The following FRMPD4 variants were observed in gnomAD, a reference collection of about 807,000 sequenced individuals.
The protein encoded by FRMPD4 is FERM and PDZ domain containing 4, also known as FERM and PDZ domain-containing protein 4.
FRMPD4 carries 22 observed loss-of-function variants against 94.1 expected under a neutral mutation model. That is an observed-to-expected ratio of 0.23 (90% CI 0.17 to 0.33). The LOEUF is 0.33. Ranked by LOEUF, FRMPD4 falls within the 10% of genes least tolerant of loss-of-function variation. The probability of loss-of-function intolerance (pLI) is 1.00; values close to 1 mark genes in which losing one functional copy is unlikely to be tolerated. For synonymous variants in FRMPD4, 631 were observed against 548.6 expected (o/e 1.15, Z -2.10); for missense variants, 1,111 against 1,339.9 (o/e 0.83, Z 2.67).
intron 4 of FRMPD4, among the ~76,000 whole-genome samples, chrX:12,647,521 G>A (rs1481157748): frequency 9.0e-6 from 1 of 111,701 alleles, no homozygotes; most frequent in African/African-American, 3.3e-5. Flanking sequence ...TGTGGTCAGG[G>A]TGGACTTTAG....
chrX:11,855,482 T>C (rs1461580496), intron 1 of FRMPD4, among the ~76,000 whole-genome samples: 1 of 112,577 alleles, frequency 8.9e-6, no homozygotes, highest in Non-Finnish European at 1.9e-5. Flanking sequence ...TTTTATGCTC[T>C]GCTACCTCTA....
At position 12,411,359 on chromosome X, in the gene FRMPD4, T is replaced by C. The variant is rs752868861; in HGVS notation, c.42-87321T>C. Among the ~76,000 whole-genome samples the C allele has an allele frequency of 4.4e-5, 5 of 112,576 alleles. No individual in the cohort carries two copies. In the South Asian group the frequency reaches 1.8e-3, roughly 41 times the overall value. On this transcript the variant is annotated intron_variant, in intron 1 of 16. Coordinates refer to ENST00000675598, the MANE Select transcript of FRMPD4 (RefSeq NM_001368397.1). ...GCAATGAATATTTGCTTTGCTGATA[T>C]GCAATTCACACCCCACTGCTCTGTT...
At chrX:12,479,715 G>A (rs188257697) in intron 1 of FRMPD4, among the ~76,000 whole-genome samples, 100 of 108,337 alleles carry the variant, frequency 9.2e-4, no homozygotes, top group African/African-American at 3.0e-3. Context: ...GCCCAGGCTC[G>A]TCTCAAACTC....
chrX:12,175,531 C>T (rs750754805), intron 1 of FRMPD4, among the ~76,000 whole-genome samples: 2 of 111,797 alleles, frequency 1.8e-5, no homozygotes, highest in South Asian at 7.5e-4. Context: ...TTGTTGTTGT[C>T]GTTGTTGAGA....
chrX:11,837,836 G>C (rs1331121260), intron 1 of FRMPD4, among the ~76,000 whole-genome samples: 1 of 111,507 alleles, frequency 9.0e-6, no homozygotes, highest in Non-Finnish European at 1.9e-5. Flanking sequence ...TGATTTAGGA[G>C]AATCGCTCAG....
At chrX:11,909,169 A>G (rs967672375) in intron 3 of FRMPD4, among the ~76,000 whole-genome samples, 1 of 112,048 alleles carries the variant, frequency 8.9e-6, no homozygotes, top group African/African-American at 3.2e-5. Flanking sequence ...TCACCATTAA[A>G]GCCACCTGGT....
chrX:12,583,327 T>G, intron 2 of FRMPD4: 1 of 479,659 alleles, frequency 2.1e-6, no homozygotes, highest in Non-Finnish European at 3.5e-6. Context: ...GATAAGAATA[T>G]TTTGTCTTTT....
intron 2 of FRMPD4, among the ~76,000 whole-genome samples, chrX:12,588,550 AT>A (rs2058953769): frequency 8.9e-6 from 1 of 112,501 alleles, no homozygotes; most frequent in Admixed American, 9.4e-5. Flanking sequence ...GTTTTGGAGT[AT>A]TTTACAACTA....
At chrX:12,178,871 G>A (rs2147664328) in intron 1 of FRMPD4, among the ~76,000 whole-genome samples, 1 of 112,146 alleles carries the variant, frequency 8.9e-6, no homozygotes, top group East Asian at 2.8e-4. Flanking sequence ...CTTCTGAGAT[G>A]TGCCAGTGGA....
intron 3 of FRMPD4, among the ~76,000 whole-genome samples, chrX:12,040,664 A>G (rs1255764003): frequency 1.0e-5 from 1 of 97,403 alleles, no homozygotes; most frequent in Non-Finnish European, 2.0e-5. Context: ...AGTAGCTGGG[A>G]CTACAGGCAC....
intron 1 of FRMPD4, among the ~76,000 whole-genome samples, chrX:12,150,202 C>T (rs1333645339): frequency 3.6e-5 from 4 of 112,018 alleles, no homozygotes; most frequent in Non-Finnish European, 7.5e-5. Flanking sequence ...AAATATTTGG[C>T]GAATTGTGAA....
At chrX:12,216,948 C>T (rs964356929) in intron 1 of FRMPD4, among the ~76,000 whole-genome samples, 1 of 111,833 alleles carries the variant, frequency 8.9e-6, no homozygotes, top group African/African-American at 3.3e-5. Flanking sequence ...AAGGTTTCTG[C>T]TCTGCCCTAG....
At chrX:12,584,195 C>A (rs1041030145) in intron 2 of FRMPD4, among the ~76,000 whole-genome samples, 4 of 112,468 alleles carry the variant, frequency 3.6e-5, no homozygotes, top group African/African-American at 1.3e-4. Context: ...ACCGGTCCAG[C>A]CTTCTGGCTC....
At chrX:12,465,827 T>C (rs1265005933) in intron 1 of FRMPD4, among the ~76,000 whole-genome samples, 1 of 111,993 alleles carries the variant, frequency 8.9e-6, no homozygotes, top group East Asian at 2.8e-4. Context: ...AAAAAACAAC[T>C]TCTGGCAACA....
Position 12,183,784 on chromosome X carries a change from A to G in FRMPD4, c.41+44772A>G, listed in dbSNP as rs966962663. 3.0e-4 allele frequency among the ~76,000 whole-genome samples: 33 copies of G among 110,781 alleles called. 1 individual carries two copies. The highest frequency in any genetic ancestry group is 2.8e-3 in the Admixed American group (29 of 10,319). ...ATCCATGGCTTTTTAAGACATACAC[A>G]CCAGTCTCGTGTTCTTTAGAATATA... On this transcript the variant is annotated intron_variant, in intron 1 of 16. Transcript: ENST00000675598.
At chrX:12,619,198 T>C (rs766004682) in intron 4 of FRMPD4, among the ~76,000 whole-genome samples, 1 of 112,168 alleles carries the variant, frequency 8.9e-6, no homozygotes, top group Non-Finnish European at 1.9e-5. Flanking sequence ...AGCAGTGTTA[T>C]AGTTATGGCT....
At chrX:12,450,710 A>G (rs928559631) in intron 1 of FRMPD4, among the ~76,000 whole-genome samples, 13 of 110,485 alleles carry the variant, frequency 1.2e-4, no homozygotes, top group Admixed American at 9.7e-5. Flanking sequence ...GATAGCAGCC[A>G]GCAAAAACTG....
intron 3 of FRMPD4, among the ~76,000 whole-genome samples, chrX:11,926,333 G>T (rs1335280603): frequency 9.7e-6 from 1 of 103,153 alleles, no homozygotes; most frequent in African/African-American, 3.7e-5. Flanking sequence ...GTACAAAGAC[G>T]AGCTGGTACC....
intron 1 of FRMPD4, among the ~76,000 whole-genome samples, chrX:12,231,308 A>G (rs186878795): frequency 2.3e-3 from 244 of 107,092 alleles, no homozygotes; most frequent in African/African-American, 7.6e-3. Context: ...TACTTGATGT[A>G]GAGCTTTGAG....
Sources: gnomAD v4.1 joint callset for allele counts (sites outside exome capture counted in the v4.1 genomes callset) on GRCh38, gnomAD v4.1.1 for gene constraint, MANE v1.5 for transcripts, NCBI Gene and HGNC (gene_info 2026-07-23, HGNC 2026-07-21) for gene names.